The following RIPPLY3 variants were observed in gnomAD, a reference collection of about 807,000 sequenced individuals.
RIPPLY3 encodes the protein ripply transcriptional repressor 3.
Under a neutral mutation model 11.9 loss-of-function variants are expected in RIPPLY3, and 8 were observed. That is an observed-to-expected ratio of 0.67 (90% CI 0.40 to 1.21). The LOEUF (loss-of-function observed/expected upper bound fraction) is 1.21, where lower values mean the gene tolerates loss of function less well. Among genes scored for constraint, RIPPLY3 ranks in the 50% most tolerant of loss-of-function variants. RIPPLY3 has a pLI of 0.01. For missense variants in RIPPLY3, 271 were observed against 246.0 expected, an observed-to-expected ratio of 1.10 and a Z score of -0.68; for synonymous variants, 102 against 99.0, an observed-to-expected ratio of 1.03 and a Z score of -0.18.
chr21:37,011,821 C>A (rs1284896556), intron 2 of RIPPLY3, among the ~76,000 whole-genome samples: 1 of 149,610 alleles, frequency 6.7e-6, no homozygotes, highest in African/African-American at 2.5e-5. Flanking sequence ...GGCGTGGTGG[C>A]ATGCGCCTGT....
At chr21:37,013,284 C>T (rs966844498) in intron 2 of RIPPLY3, among the ~76,000 whole-genome samples, 3 of 152,146 alleles carry the variant, frequency 2.0e-5, no homozygotes, top group Non-Finnish European at 2.9e-5. Context: ...CATACATGTG[C>T]GTCTCTGTCC....
Position 37,018,433 on chromosome 21 carries a change from A to G in RIPPLY3, c.*226A>G, listed in dbSNP as rs2069605149. 1.8e-6 allele frequency: 1 copy of G among 562,762 alleles called. No individual in the cohort carries two copies. Among genetic ancestry groups the G allele is most frequent in the East Asian group, 3.0e-5 (1 of 33,550 alleles). 34.9% of individuals were successfully genotyped at this position (562,762 alleles called of 1,614,324 possible). A position where few individuals can be genotyped will look rare whatever the true frequency, so the allele number is the denominator to read the frequency against. On this transcript the variant is annotated 3_prime_UTR_variant, in exon 4 of 4. Transcript: ENST00000329553. Reference sequence around the variant, plus strand: ...ATGCATGCCTTTGAGAAAGGATTCTAGGAGAAAGAGAAGGTCTATGTCAAC... The same window carrying G: ...ATGCATGCCTTTGAGAAAGGATTCTGGGAGAAAGAGAAGGTCTATGTCAAC...
chr21:37,008,761 A>C (rs2069492152), intron 2 of RIPPLY3, among the ~76,000 whole-genome samples: 1 of 151,316 alleles, frequency 6.6e-6, no homozygotes, highest in Non-Finnish European at 1.5e-5. Context: ...CATCTCAAAA[A>C]AAAAAAAAAA....
chr21:37,012,323 C>T (rs538894246), intron 2 of RIPPLY3, among the ~76,000 whole-genome samples: 24 of 151,738 alleles, frequency 1.6e-4, no homozygotes, highest in African/African-American at 5.3e-4. Flanking sequence ...CTGCAACCTC[C>T]GCTTCCCGGG....
intron 2 of RIPPLY3, among the ~76,000 whole-genome samples, chr21:37,013,235 G>A (rs1393716223): frequency 6.6e-6 from 1 of 152,116 alleles, no homozygotes; most frequent in African/African-American, 2.4e-5. Context: ...TTAGAATCAT[G>A]GGTATCTTAC....
chr21:37,007,294 C>G (rs868161665), intron 1 of RIPPLY3, among the ~76,000 whole-genome samples: 2 of 151,936 alleles, frequency 1.3e-5, no homozygotes, highest in African/African-American at 2.4e-5. Flanking sequence ...GGGCACCAAC[C>G]CTTTTAAAGA....
rs1344321676 is a variant in RIPPLY3, at chr21:37,018,083, G to A, written c.449G>A (p.Gly150Glu). 1 of 1,613,986 alleles carries A rather than the reference G, an allele frequency of 6.2e-7. No homozygotes were observed. The highest frequency in any genetic ancestry group is 8.5e-7 in the Non-Finnish European group (1 of 1,180,026). ...GGTCGGCAGGAAAATGGCCCAGGGG[G>A]AAAGGGCAGAGACCAGGGCATCAAC... ...VGGRQENGPG[G>E]KGRDQGINQG... The change falls in exon 4 of 4, where the codon GGA becomes GAA. Residue 150 changes from glycine to glutamate, a missense_variant. Coordinates refer to ENST00000329553, the MANE Select transcript of RIPPLY3 (RefSeq NM_018962.3).
chr21:37,008,857 G>A (rs2069493917), intron 2 of RIPPLY3, among the ~76,000 whole-genome samples: 1 of 152,070 alleles, frequency 6.6e-6, no homozygotes, highest in Admixed American at 6.6e-5. Context: ...GGTCGGGAGG[G>A]GAGGGGAGAG....
chr21:37,016,308 T>C (rs148728372), intron 3 of RIPPLY3, among the ~76,000 whole-genome samples: 1 of 152,228 alleles, frequency 6.6e-6, no homozygotes, highest in East Asian at 1.9e-4. Flanking sequence ...CAACCAAAAA[T>C]GTCTCCAGAC....
Position 37,018,422 on chromosome 21 carries a change from G to C in RIPPLY3, c.*215G>C, listed in dbSNP as rs1183759959. On this transcript the variant is annotated 3_prime_UTR_variant, in exon 4 of 4. Transcript: ENST00000329553. ...TTGGTGCACTCATGCATGCCTTTGAGAAAGGATTCTAGGAGAAAGAGAAGG... is the reference window on the plus strand; with the variant it reads ...TTGGTGCACTCATGCATGCCTTTGACAAAGGATTCTAGGAGAAAGAGAAGG... 1.7e-6 allele frequency: 1 copy of C among 571,714 alleles called. No homozygotes were observed. The highest frequency in any genetic ancestry group is 3.1e-6 in the Non-Finnish European group (1 of 320,618). The allele number at this position is 571,714 out of a possible 1,614,324, so 35.4% of individuals were successfully genotyped here. A position where few individuals can be genotyped will look rare whatever the true frequency, so the allele number is the denominator to read the frequency against.
At position 37,008,123 on chromosome 21, in the gene RIPPLY3, AG is replaced by A. The variant is rs763482172; in HGVS notation, c.105-31del. On this transcript the variant is annotated intron_variant, in intron 1 of 3. Transcript: ENST00000329553. ...TAGTTTGAAGGCAGCAGAAGTGCCC[AG>A]GGTTCACTCTCTCCTGGCGCTTGCC... is the stretch of plus-strand genomic sequence containing the variant. The A allele has an allele frequency of 3.8e-5, 61 of 1,611,614 alleles. No homozygotes were observed. The East Asian group carries it at 1.3e-3, about 35-fold the overall frequency.
intron 3 of RIPPLY3, among the ~76,000 whole-genome samples, chr21:37,014,791 A>G (rs577069195): frequency 3.3e-5 from 5 of 152,204 alleles, no homozygotes; most frequent in Middle Eastern, 3.4e-3. Context: ...CAGTGGCACA[A>G]TCTCAGCTCA....
intron 1 of RIPPLY3, among the ~76,000 whole-genome samples, chr21:37,007,400 C>CTTTTTTTTTTTTTTTTTTTTTT (rs895853940): frequency 2.3e-5 from 2 of 86,296 alleles, no homozygotes; most frequent in African/African-American, 1.0e-4. Context: ...AAGATTCCCT[C>CTTTTTTTTTTTTTTTTTTTTTT]TTTTTTTTTT....
At chr21:37,013,509 C>G in intron 2 of RIPPLY3, 42 bp from the exon 3 acceptor site, 1 of 1,570,580 alleles carries the variant, frequency 6.4e-7, no homozygotes, top group Non-Finnish European at 8.8e-7. Context: ...CCTTCCGACA[C>G]TCCTGCACTG....
intron 2 of RIPPLY3, 81 bp from the exon 3 acceptor site, chr21:37,013,465 CTTACG>C: frequency 8.9e-7 from 1 of 1,124,024 alleles, no homozygotes; most frequent in Non-Finnish European, 1.3e-6. Context: ...CTGCAGATGA[CTTACG>C]TTCTGTGGTT....
chr21:37,009,402 C>T (rs565726684), intron 2 of RIPPLY3, among the ~76,000 whole-genome samples: 2 of 152,016 alleles, frequency 1.3e-5, no homozygotes, highest in Non-Finnish European at 2.9e-5. Flanking sequence ...GATATTTACA[C>T]GACTTTATTA....
At chr21:37,006,641 C>A, upstream of RIPPLY3, 1 of 480,962 alleles carries the variant, frequency 2.1e-6, no homozygotes, top group Non-Finnish European at 3.2e-6. The surrounding 1 kb of genome is among the most constrained non-coding windows in gnomAD (Gnocchi z 5.2). Flanking sequence ...TGCCCCCTCC[C>A]AGCGCTTGCC....
At chr21:37,012,245 A>ATTT in intron 2 of RIPPLY3, among the ~76,000 whole-genome samples, 1 of 147,182 alleles carries the variant, frequency 6.8e-6, no homozygotes, top group South Asian at 2.2e-4. Flanking sequence ...TATTATTATT[A>ATTT]TTATTATTTT....
chr21:37,006,728 T>C lies in RIPPLY3; in HGVS notation c.-45T>C, dbSNP rs1225841866. ...TTAGCCCGAGTGGATCTAGGCGCGCTCGTAGGCCGGCGCCGCAGCAAGGGG... is the reference window on the plus strand; with the variant it reads ...TTAGCCCGAGTGGATCTAGGCGCGCCCGTAGGCCGGCGCCGCAGCAAGGGG... On this transcript the variant is annotated 5_prime_UTR_variant, in exon 1 of 4. Transcript: ENST00000329553. The surrounding 1 kb of genome is among the most constrained non-coding windows in gnomAD (Gnocchi z 5.2). 18 of 1,176,664 alleles carry C rather than the reference T, an allele frequency of 1.5e-5. 1 individual carries two copies. The highest frequency in any genetic ancestry group is 1.2e-4 in the South Asian group (3 of 24,754). 72.9% of individuals were successfully genotyped at this position (1,176,664 alleles called of 1,614,324 possible).
Sources: allele counts gnomAD v4.1 joint callset (sites outside exome capture counted in the v4.1 genomes callset), GRCh38; gene constraint gnomAD v4.1.1; non-coding constraint Gnocchi (gnomAD v3.1); transcripts MANE v1.5; gene names NCBI Gene and HGNC (gene_info 2026-07-23, HGNC 2026-07-21).